The following CAP2 variants were observed in gnomAD, a reference collection of about 807,000 sequenced individuals.
The protein encoded by CAP2 is adenylyl cyclase-associated protein 2.
CAP2 carries 24 observed loss-of-function variants against 57.7 expected under a neutral mutation model. The observed-to-expected ratio is 0.42, with a 90% CI of 0.30 to 0.58. The LOEUF (loss-of-function observed/expected upper bound fraction) is 0.58, where lower values mean the gene tolerates loss of function less well. CAP2 is among the 20% of genes least tolerant of loss of function. The pLI is 0.22. For synonymous variants in CAP2, 194 were observed against 207.2 expected (o/e 0.94, Z 0.55); for missense variants, 501 against 590.3 (o/e 0.85, Z 1.57).
At chr6:17,482,495 G>A (rs889131223) in intron 4 of CAP2, among the ~76,000 whole-genome samples, 10 of 138,312 alleles carry the variant, frequency 7.2e-5, no homozygotes, top group South Asian at 2.3e-4. Flanking sequence ...GTGAGAGAGC[G>A]AGACTCCATC....
chr6:17,448,774 T>C (rs1166750110), intron 3 of CAP2, among the ~76,000 whole-genome samples: 1 of 152,150 alleles, frequency 6.6e-6, no homozygotes, highest in East Asian at 1.9e-4. Context: ...TTATCTTTTT[T>C]TTTTTTTGAG....
At chr6:17,538,735 T>C (rs1762830661) in intron 7 of CAP2, among the ~76,000 whole-genome samples, 1 of 152,188 alleles carries the variant, frequency 6.6e-6, no homozygotes, top group Non-Finnish European at 1.5e-5. Context: ...GGGGGTCAGT[T>C]TGCAGCAGGC....
intron 4 of CAP2, among the ~76,000 whole-genome samples, chr6:17,503,330 C>T (rs1223796578): frequency 1.3e-5 from 2 of 152,006 alleles, no homozygotes; most frequent in African/African-American, 4.8e-5. Context: ...CCAGTCAGGC[C>T]GGGTGCCATA....
In CAP2 at chr6:17,393,644, A is replaced by T. The variant is rs2113487207; in HGVS notation, c.-104A>T. ...TGACACCGGCTCCTATTCAGCTGGG[A>T]GGAGGGAGAGGGGAGGAGAAGGGGA... On this transcript the variant is annotated 5_prime_UTR_variant, in exon 1 of 13. Coordinates refer to ENST00000229922, the MANE Select transcript of CAP2 (RefSeq NM_006366.3). The T allele has an allele frequency of 6.6e-6, 1 of 152,358 alleles. No individual in the cohort carries two copies. The highest frequency in any genetic ancestry group is 1.9e-4 in the East Asian group (1 of 5,138). 9.4% of individuals were successfully genotyped at this position (152,358 alleles called of 1,614,324 possible).
rs79319320 is a variant in CAP2, at chr6:17,492,529, T to C, written c.301-14640T>C. Among the ~76,000 whole-genome samples the C allele has an allele frequency of 5.6e-3, 860 of 152,284 alleles. 12 individuals are homozygous for C. Among genetic ancestry groups the C allele is most frequent in the African/African-American group, 0.017 (686 of 41,554 alleles). On this transcript the variant is annotated intron_variant, in intron 4 of 12. Coordinates refer to ENST00000229922, the MANE Select transcript of CAP2 (RefSeq NM_006366.3). ...GGAATTGAAAGTGAACTTTAGCCTA[T>C]GCGTGGCTGAATTCAGGTCAGCCAG...
chr6:17,486,898 C>T (rs926479008), intron 4 of CAP2, among the ~76,000 whole-genome samples: 10 of 151,538 alleles, frequency 6.6e-5, no homozygotes, highest in East Asian at 3.9e-4. Context: ...CGGTCACCCC[C>T]GGCTTCCAGG....
At chr6:17,471,748 A>G (rs557292818) in intron 4 of CAP2, among the ~76,000 whole-genome samples, 15 of 151,300 alleles carry the variant, frequency 9.9e-5, no homozygotes, top group Non-Finnish European at 1.6e-4. Flanking sequence ...GGAGAATGGC[A>G]TGAACCCGGG....
At chr6:17,456,470 T>C (rs1760574955) in intron 3 of CAP2, among the ~76,000 whole-genome samples, 1 of 152,172 alleles carries the variant, frequency 6.6e-6, no homozygotes, top group African/African-American at 2.4e-5. Context: ...ATCTGTCAGG[T>C]TCTTCTTTAC....
At chr6:17,394,208 C>G (rs756871864) in intron 1 of CAP2, among the ~76,000 whole-genome samples, 39 of 152,070 alleles carry the variant, frequency 2.6e-4, no homozygotes, top group Non-Finnish European at 5.4e-4. Context: ...CCAGAGCCAC[C>G]TCGATCAGAA....
At chr6:17,534,019 C>CA (rs1411538534) in intron 7 of CAP2, among the ~76,000 whole-genome samples, 1 of 152,180 alleles carries the variant, frequency 6.6e-6, no homozygotes, top group African/African-American at 2.4e-5. Context: ...TGGATCACTG[C>CA]TCCTTAACTA....
At chr6:17,551,690 C>T (rs1049640726) in intron 12 of CAP2, 86 bp downstream of exon 12, 39 of 1,029,756 alleles carry the variant, frequency 3.8e-5, no homozygotes, top group Non-Finnish European at 5.2e-5. Flanking sequence ...AGCTACCAAC[C>T]TGCGAGCTTT....
At chr6:17,493,820 T>C (rs548589132) in intron 4 of CAP2, among the ~76,000 whole-genome samples, 2 of 150,606 alleles carry the variant, frequency 1.3e-5, no homozygotes, top group South Asian at 2.1e-4. Context: ...ACTGCAGATA[T>C]TACTCATCAG....
intron 7 of CAP2, among the ~76,000 whole-genome samples, chr6:17,537,500 A>G (rs951206992): frequency 1.3e-5 from 2 of 151,910 alleles, no homozygotes; most frequent in Non-Finnish European, 2.9e-5. Flanking sequence ...CCGAGCCAGC[A>G]TGTTTTGTTT....
At chr6:17,537,233 C>A (rs115093317) in intron 7 of CAP2, among the ~76,000 whole-genome samples, 308 of 152,202 alleles carry the variant, frequency 2.0e-3, no homozygotes, top group African/African-American at 7.2e-3. Context: ...GTTTTCCAGG[C>A]TGGGGTACAG....
rs759427444 is a variant in CAP2 at position 17,551,535 on chromosome 6, A to G, written c.1281A>G (p.Ala427=). 1.2e-6 allele frequency: 2 copies of G among 1,611,702 alleles called. No homozygotes were observed. The highest frequency in any genetic ancestry group is 1.1e-5 in the South Asian group (1 of 90,882). ...EGCHIYLSED[A]LDCEIVSAKS... ...GCCACATATACCTCAGTGAAGATGC[A>G]TTAGACTGTGAGATCGTGAGCGCCA... The change falls in exon 12 of 13, where the codon GCA becomes GCG. Residue 427 remains alanine, a synonymous_variant. Transcript: ENST00000229922.
At chr6:17,540,899 T>G in intron 8 of CAP2, 74 bp from the exon 9 acceptor site, 10 of 1,402,902 alleles carry the variant, frequency 7.1e-6, no homozygotes, top group Non-Finnish European at 9.8e-6. Context: ...TTTATTTACA[T>G]CATGTTGATC....
intron 3 of CAP2, among the ~76,000 whole-genome samples, chr6:17,427,323 C>A (rs1759619390): frequency 6.6e-6 from 1 of 152,262 alleles, no homozygotes; most frequent in East Asian, 1.9e-4. Context: ...CTCCTTCCCA[C>A]TGTGATGGGA....
At chr6:17,498,485 T>C (rs992055451) in intron 4 of CAP2, among the ~76,000 whole-genome samples, 1 of 152,150 alleles carries the variant, frequency 6.6e-6, no homozygotes, top group African/African-American at 2.4e-5. Flanking sequence ...GTTCTACCTT[T>C]ATAGAGCAGT....
chr6:17,461,188 C>G (rs1264837433), intron 3 of CAP2, among the ~76,000 whole-genome samples: 1 of 142,284 alleles, frequency 7.0e-6, no homozygotes, highest in African/African-American at 2.5e-5. Context: ...AACAAAACAA[C>G]AAAAAAAAAA....
Sources: gnomAD v4.1 joint callset for allele counts (sites outside exome capture counted in the v4.1 genomes callset) on GRCh38, gnomAD v4.1.1 for gene constraint, MANE v1.5 for transcripts, NCBI Gene and HGNC (gene_info 2026-07-23, HGNC 2026-07-21) for gene names.